NSD2: variants seen among roughly 807,000 people sequenced by gnomAD.
NSD2 encodes histone-lysine N-methyltransferase NSD2.
A neutral mutation model predicts 139.0 loss-of-function variants in NSD2; 12 were observed. The observed-to-expected ratio is 0.09, with a 90% CI of 0.06 to 0.14. The LOEUF (loss-of-function observed/expected upper bound fraction) is 0.14. Ranked by LOEUF, NSD2 falls within the 10% of genes least tolerant of loss-of-function variation. NSD2 has a pLI of 1.00. For missense variants in NSD2, 1,155 were observed against 1,745.0 expected (o/e 0.66, Z 6.02); for synonymous variants, 669 against 648.7 (o/e 1.03, Z -0.48).
intron 5 of NSD2, among the ~76,000 whole-genome samples, chr4:1,928,572 C>T (rs1721234899): frequency 1.3e-5 from 2 of 152,150 alleles, no homozygotes; most frequent in Admixed American, 6.6e-5. Context: ...TCCTGGCTTC[C>T]CCGCAGAAGC....
chr4:1,932,714 C>G (rs1016208299), intron 6 of NSD2, among the ~76,000 whole-genome samples: 1 of 152,170 alleles, frequency 6.6e-6, no homozygotes, highest in African/African-American at 2.4e-5. Flanking sequence ...CCATTGGATT[C>G]CAGCCAATGG....
chr4:1,890,739 C>T (rs1376405825), intron 1 of NSD2, among the ~76,000 whole-genome samples: 5 of 152,060 alleles, frequency 3.3e-5, no homozygotes, highest in African/African-American at 1.2e-4. Flanking sequence ...GCTAGGATTA[C>T]AGGCGCCCAC....
intron 3 of NSD2, among the ~76,000 whole-genome samples, chr4:1,909,442 G>C (rs1191110077): frequency 6.6e-6 from 1 of 152,080 alleles, no homozygotes; most frequent in African/African-American, 2.4e-5. Context: ...GCTCCAAGTG[G>C]AGCTCTTGGG....
At chr4:1,877,374 T>C (rs12651035) in intron 1 of NSD2, among the ~76,000 whole-genome samples, 1 of 152,154 alleles carries the variant, frequency 6.6e-6, no homozygotes, top group African/African-American at 2.4e-5. Context: ...TCACTGCCCA[T>C]TGGGGTTCAA....
At chr4:1,921,950 C>G (rs1448768895) in intron 5 of NSD2, among the ~76,000 whole-genome samples, 1 of 152,070 alleles carries the variant, frequency 6.6e-6, no homozygotes. Flanking sequence ...GAGTTCCAGA[C>G]CAGCCTGGCC....
At chr4:1,952,908 G>T in intron 11 of NSD2, 1 of 1,397,900 alleles carries the variant, frequency 7.2e-7, no homozygotes, top group Non-Finnish European at 9.3e-7. Context: ...CCCAGGCCAT[G>T]GCAGCCCCAC....
At chr4:1,909,584 G>A (rs139642737) in intron 3 of NSD2, among the ~76,000 whole-genome samples, 2 of 152,126 alleles carry the variant, frequency 1.3e-5, no homozygotes, top group East Asian at 1.9e-4. Context: ...AGTGGGCTGA[G>A]CATGGGTCCT....
rs1726622767 is a variant in NSD2, at chr4:1,972,700, T to C, written c.3373-2163T>C. Among the ~76,000 whole-genome samples, 1 of 152,156 alleles carries C rather than the reference T, an allele frequency of 6.6e-6. No individual in the cohort carries two copies. The highest frequency in any genetic ancestry group is 1.5e-5 in the Non-Finnish European group (1 of 68,036). The stretch of plus-strand genomic sequence containing the variant: ...GAGATGCATTTTATAATCTGTGTGG[T>C]GGGAAAAGCTGCATGCAACTACTCA... On this transcript the variant is annotated intron_variant, in intron 18 of 21. Transcript: ENST00000508803. This position sits in a 1 kb window ranked among gnomAD's most constrained non-coding sequence, Gnocchi z 4.0.
At chr4:1,875,299 T>A (rs1208709068) in intron 1 of NSD2, among the ~76,000 whole-genome samples, 61 of 146,032 alleles carry the variant, frequency 4.2e-4, no homozygotes, top group Non-Finnish European at 7.1e-4. Context: ...TTTTTTTTTT[T>A]GGGACAGGGT....
intron 6 of NSD2, among the ~76,000 whole-genome samples, chr4:1,934,888 T>A (rs1353897646): frequency 3.4e-5 from 4 of 116,500 alleles, no homozygotes; most frequent in African/African-American, 1.4e-4. Flanking sequence ...AATATATATA[T>A]ATATATATAT....
At chr4:1,898,668 A>AT (rs1230491128) in intron 1 of NSD2, among the ~76,000 whole-genome samples, 1 of 146,736 alleles carries the variant, frequency 6.8e-6, no homozygotes, top group East Asian at 1.9e-4. Context: ...TAAAAAAAAA[A>AT]AAACAAAAAA....
At chr4:1,880,633 C>G (rs908756863) in intron 1 of NSD2, among the ~76,000 whole-genome samples, 1 of 151,208 alleles carries the variant, frequency 6.6e-6, no homozygotes, top group Non-Finnish European at 1.5e-5. Flanking sequence ...AAAATCAAAC[C>G]TGAGTCCAGT....
chr4:1,931,891 T>C (rs569354947), intron 6 of NSD2, among the ~76,000 whole-genome samples: 59 of 152,338 alleles, frequency 3.9e-4, no homozygotes, highest in African/African-American at 1.3e-3. Flanking sequence ...GACTGGCTTA[T>C]TTAAAAATGA....
rs762637363 is a variant in NSD2, at chr4:1,975,013, T to G, written c.3514+9T>G. On this transcript the variant is annotated intron_variant, in intron 19 of 21. Coordinates refer to ENST00000508803, the MANE Select transcript of NSD2 (RefSeq NM_001042424.3). ...CTGTGACATTCCTGCAGGTACAAGC[T>G]CTGGGGACCCTGCATGGGGCTCCTG... 1.3e-5 allele frequency: 21 copies of G among 1,614,046 alleles called. No individual in the cohort carries two copies. Among genetic ancestry groups the G allele is most frequent in the Non-Finnish European group, 1.4e-5 (16 of 1,180,012 alleles).
At chr4:1,878,545 C>G (rs1016372853) in intron 1 of NSD2, among the ~76,000 whole-genome samples, 1 of 151,910 alleles carries the variant, frequency 6.6e-6, no homozygotes, top group Non-Finnish European at 1.5e-5. Flanking sequence ...GGACTTTTTT[C>G]CTTTTGCTTG....
chr4:1,899,243 T>G (rs913874798), intron 1 of NSD2: 1 of 152,250 alleles, frequency 6.6e-6, no homozygotes, highest in African/African-American at 2.4e-5. Context: ...CTGTGGAGAC[T>G]GCGGGTTGCA....
At chr4:1,887,167 C>T (rs1037762143) in intron 1 of NSD2, among the ~76,000 whole-genome samples, 2 of 152,138 alleles carry the variant, frequency 1.3e-5, no homozygotes, top group Non-Finnish European at 2.9e-5. Flanking sequence ...TCAGTAGGGA[C>T]TTTTGGCCAT....
At chr4:1,918,681 C>A (rs757620436) in intron 5 of NSD2, 58 bp downstream of exon 5, 3 of 1,592,840 alleles carry the variant, frequency 1.9e-6, no homozygotes, top group South Asian at 2.3e-5. Flanking sequence ...AACATCCCTT[C>A]AGTGCAGAAT....
intron 7 of NSD2, among the ~76,000 whole-genome samples, chr4:1,937,758 A>G (rs1722575492): frequency 6.6e-6 from 1 of 152,138 alleles, no homozygotes; most frequent in Admixed American, 6.5e-5. Context: ...TGAGTGCAGG[A>G]GTGGCAAGTC....
Sources: allele counts gnomAD v4.1 joint callset (sites outside exome capture counted in the v4.1 genomes callset), GRCh38; gene constraint gnomAD v4.1.1; non-coding constraint Gnocchi (gnomAD v3.1); transcripts MANE v1.5; gene names NCBI Gene and HGNC (gene_info 2026-07-23, HGNC 2026-07-21).